Variants in TUSC3 observed in about 807,000 individuals in gnomAD.
The protein encoded by TUSC3 is tumor suppressor candidate 3.
Under a neutral mutation model 44.8 loss-of-function variants are expected in TUSC3, and 45 were observed. The ratio of observed to expected loss-of-function variants is 1.00; its 90% CI spans 0.79 to 1.29. The LOEUF (loss-of-function observed/expected upper bound fraction) is 1.29, where lower values mean the gene tolerates loss of function less well. Among genes scored for constraint, TUSC3 ranks in the 50% most tolerant of loss-of-function variants. TUSC3 has a pLI of 0.00. For synonymous variants in TUSC3, 212 were observed against 152.9 expected (o/e 1.39, Z -2.85); for missense variants, 519 against 437.9 (o/e 1.19, Z -1.65).
At chr8:15,605,418 C>T (rs543519707) in intron 1 of TUSC3, among the ~76,000 whole-genome samples, 21 of 151,966 alleles carry the variant, frequency 1.4e-4, no homozygotes, top group African/African-American at 4.3e-4. Context: ...ATAAACATAA[C>T]CATTTATCTT....
At chr8:15,762,125 T>C (rs943245734) in intron 10 of TUSC3, among the ~76,000 whole-genome samples, 2 of 151,944 alleles carry the variant, frequency 1.3e-5, no homozygotes, top group Non-Finnish European at 2.9e-5. Context: ...GTTCATACTT[T>C]TCTCAGAAAC....
At chr8:15,523,279 C>G (rs1183812697) in intron 2 of TUSC3, among the ~76,000 whole-genome samples, 1 of 152,086 alleles carries the variant, frequency 6.6e-6, no homozygotes, top group Non-Finnish European at 1.5e-5. Flanking sequence ...AAAAATATGG[C>G]TGAAGAAAGG....
At chr8:15,444,798 A>G (rs887802110) in intron 1 of TUSC3, among the ~76,000 whole-genome samples, 1 of 152,172 alleles carries the variant, frequency 6.6e-6, no homozygotes, top group Admixed American at 6.5e-5. Flanking sequence ...TTACCCTCTT[A>G]AAATGGTGAC....
rs55661131 is a variant in TUSC3, at chr8:15,448,108, C to CATATACATATATATATATAT, written n.91+30808_91+30809insCATATATATATATATATATA. On this transcript the variant is annotated intron_variant and non_coding_transcript_variant, in intron 1 of 5. Transcript: ENST00000503191. ...ATTCAACTGTATGGTAGTGTATATA[C>CATATACATATATATATATAT]ATATATATATATTTATTTATTTATT... is the stretch of plus-strand genomic sequence containing the variant. 3.7e-4 allele frequency among the ~76,000 whole-genome samples: 36 copies of CATATACATATATATATATAT among 96,450 alleles called. 1 individual carries two copies. The highest frequency in any genetic ancestry group is 1.2e-3 in the African/African-American group (24 of 19,328). 63.3% of individuals were successfully genotyped at this position (96,450 alleles called of 152,430 possible).
chr8:15,690,535 T>G (rs1361348692), intron 6 of TUSC3, among the ~76,000 whole-genome samples: 1 of 152,210 alleles, frequency 6.6e-6, no homozygotes, highest in Non-Finnish European at 1.5e-5. Context: ...TTTCTTTTTC[T>G]TGGAGTTGCT....
chr8:15,743,412 A>T, intron 7 of TUSC3, 126 bp from the exon 8 acceptor site: 1 of 933,554 alleles, frequency 1.1e-6, no homozygotes, highest in Non-Finnish European at 1.8e-6. Context: ...ATATAAAGGT[A>T]ATTGATTGTA....
At chr8:15,598,602 T>C (rs1285811170) in intron 1 of TUSC3, among the ~76,000 whole-genome samples, 1 of 58,824 alleles carries the variant, frequency 1.7e-5, no homozygotes, top group Non-Finnish European at 3.9e-5. Context: ...ACTTCCTCCT[T>C]CTCCAGTCTC....
chr8:15,607,355 A>T (rs1447018529), intron 1 of TUSC3, among the ~76,000 whole-genome samples: 2 of 152,168 alleles, frequency 1.3e-5, no homozygotes, highest in Non-Finnish European at 2.9e-5. Context: ...AGAAACTTTT[A>T]AGTGGCTCAA....
intron 9 of TUSC3, 69 bp downstream of exon 9, chr8:15,748,534 T>C (rs750035420): frequency 7.5e-7 from 1 of 1,332,006 alleles, no homozygotes; most frequent in Non-Finnish European, 1.1e-6. Context: ...GTGGTTAATA[T>C]ATAATTAAGG....
intron 1 of TUSC3, among the ~76,000 whole-genome samples, chr8:15,482,052 C>A (rs1209728618): frequency 1.3e-5 from 2 of 152,178 alleles, no homozygotes; most frequent in African/African-American, 4.8e-5. Flanking sequence ...CATTTGTTGT[C>A]ATCTCAACAA....
At chr8:15,713,005 A>G (rs563393182) in intron 6 of TUSC3, among the ~76,000 whole-genome samples, 4 of 152,270 alleles carry the variant, frequency 2.6e-5, no homozygotes, top group South Asian at 2.1e-4. Context: ...CACAGCATTT[A>G]TAAGTAATTC....
rs542764355 is a variant in TUSC3, at chr8:15,462,573, T to A, written n.92-20813T>A. ...ATTTTCAGAATTTGGGAAGCTTTCC[T>A]GCCTTAAAGTGCACTATTTTGCAAA... is the stretch of plus-strand genomic sequence containing the variant. On this transcript the variant is annotated intron_variant and non_coding_transcript_variant, in intron 1 of 5. Transcript: ENST00000503191. 7.5e-4 allele frequency among the ~76,000 whole-genome samples: 114 copies of A among 152,184 alleles called. 1 individual carries two copies. The highest frequency in any genetic ancestry group is 1.3e-3 in the Non-Finnish European group (86 of 67,964).
At chr8:15,425,348 CTG>C (rs1405668721) in intron 1 of TUSC3, among the ~76,000 whole-genome samples, 1 of 152,126 alleles carries the variant, frequency 6.6e-6, no homozygotes, top group African/African-American at 2.4e-5. Flanking sequence ...CTTTGGCAGA[CTG>C]TTTCGTATTG....
intron 2 of TUSC3, among the ~76,000 whole-genome samples, chr8:15,530,444 G>A (rs934742691): frequency 1.3e-5 from 2 of 152,086 alleles, no homozygotes; most frequent in Non-Finnish European, 2.9e-5. Context: ...TAAAGACTTC[G>A]CATGTATTCA....
At chr8:15,705,021 A>G (rs1027682362) in intron 6 of TUSC3, among the ~76,000 whole-genome samples, 2 of 151,520 alleles carry the variant, frequency 1.3e-5, no homozygotes, top group African/African-American at 4.8e-5. Flanking sequence ...GTGGCATCTC[A>G]TATTTTATAC....
chr8:15,703,062 G>A (rs955741813), intron 6 of TUSC3, among the ~76,000 whole-genome samples: 3 of 152,144 alleles, frequency 2.0e-5, no homozygotes, highest in African/African-American at 7.2e-5. Flanking sequence ...AGACTCTGCT[G>A]TAGGGAAAAA....
chr8:15,620,384 C>T (rs1282113155), intron 1 of TUSC3, among the ~76,000 whole-genome samples: 1 of 152,110 alleles, frequency 6.6e-6, no homozygotes, highest in Non-Finnish European at 1.5e-5. Flanking sequence ...GGGAAAATTA[C>T]ATATAGTTAG....
chr8:15,488,827 G>A (rs2129125574), intron 2 of TUSC3, among the ~76,000 whole-genome samples: 1 of 152,294 alleles, frequency 6.6e-6, no homozygotes, highest in East Asian at 1.9e-4. Flanking sequence ...ATGAAACTAT[G>A]AGAAATAAAT....
intron 2 of TUSC3, among the ~76,000 whole-genome samples, chr8:15,503,458 C>G (rs1159135307): frequency 6.6e-6 from 1 of 152,000 alleles, no homozygotes; most frequent in Non-Finnish European, 1.5e-5. Context: ...TTCTTCTGCC[C>G]TATGATCTGA....
Sources: allele counts gnomAD v4.1 joint callset (sites outside exome capture counted in the v4.1 genomes callset), GRCh38; gene constraint gnomAD v4.1.1; transcripts MANE v1.5; gene names NCBI Gene and HGNC (gene_info 2026-07-23, HGNC 2026-07-21).